BRINP1: variants seen among roughly 807,000 people sequenced by gnomAD.
BRINP1 encodes BMP/retinoic acid-inducible neural-specific protein 1.
A neutral mutation model predicts 72.9 loss-of-function variants in BRINP1; 17 were observed. That is an observed-to-expected ratio of 0.23 (90% confidence interval 0.16 to 0.35). The LOEUF is 0.35. Ranked by LOEUF, BRINP1 falls within the 10% of genes least tolerant of loss-of-function variation. The pLI, the probability that BRINP1 is intolerant of heterozygous loss-of-function variation, is 1.00. For missense variants in BRINP1, 850 were observed against 1,001.6 expected (o/e 0.85, Z 2.04); for synonymous variants, 418 against 378.5 (o/e 1.10, Z -1.21).
At chr9:119,200,853 A>G (rs1829798458) in intron 7 of BRINP1, among the ~76,000 whole-genome samples, 1 of 151,968 alleles carries the variant, frequency 6.6e-6, no homozygotes, top group Non-Finnish European at 1.5e-5. Flanking sequence ...AACAAAAGAA[A>G]AAAAAGGAAG....
chr9:119,228,640 G>A (rs1481664713), intron 5 of BRINP1, among the ~76,000 whole-genome samples: 1 of 152,064 alleles, frequency 6.6e-6, no homozygotes, highest in Non-Finnish European at 1.5e-5. Context: ...ATTGAGTAGA[G>A]ATGGGAATGC....
chr9:119,318,844 G>GGGTGTGTGTGT (rs111313745), intron 1 of BRINP1, among the ~76,000 whole-genome samples: 9 of 142,144 alleles, frequency 6.3e-5, no homozygotes, highest in Non-Finnish European at 1.2e-4. Context: ...AAATGTGTGG[G>GGGTGTGTGTGT]GTGTGTGTGT....
chr9:119,282,981 C>T (rs189388465), intron 2 of BRINP1: 1 of 985,346 alleles, frequency 1.0e-6, no homozygotes, highest in African/African-American at 1.7e-5. Flanking sequence ...AGTTATCGCC[C>T]TCACTGACCA....
chr9:119,294,250 G>C (rs190102274), intron 2 of BRINP1, among the ~76,000 whole-genome samples: 108 of 152,314 alleles, frequency 7.1e-4, no homozygotes, highest in African/African-American at 2.6e-3. Context: ...CGTTGATGAG[G>C]CTGGGCACGG....
chr9:119,271,847 T>C (rs763513547), intron 2 of BRINP1, among the ~76,000 whole-genome samples: 12 of 152,060 alleles, frequency 7.9e-5, no homozygotes, highest in Middle Eastern at 3.4e-3. Flanking sequence ...TTTGAGAGGA[T>C]ACTGAAACTA....
Position 119,240,673 on chromosome 9 carries a change from C to T in BRINP1, c.579+1374G>A, listed in dbSNP as rs191213510. ...TCTCCCAAATACAGGCGATTCTTTT[C>T]GGATAAACTGGCCCTTTGTTTGTTG... On this transcript the variant is annotated intron_variant, in intron 4 of 7. Transcript: ENST00000265922. Among the ~76,000 whole-genome samples the T allele has an allele frequency of 2.0e-4, 31 of 152,244 alleles. No individual in the cohort carries two copies. The East Asian group carries it at 4.8e-3, about 24-fold the overall frequency.
chr9:119,345,994 C>G (rs1174412370), intron 1 of BRINP1, among the ~76,000 whole-genome samples: 1 of 152,066 alleles, frequency 6.6e-6, no homozygotes, highest in African/African-American at 2.4e-5. Context: ...TGAGCTCACA[C>G]CCAGGCAGTC....
intron 2 of BRINP1, among the ~76,000 whole-genome samples, chr9:119,262,731 A>G (rs113101386): frequency 2.6e-5 from 4 of 151,540 alleles, no homozygotes; most frequent in African/African-American, 9.7e-5. Context: ...TCAGCCCTCT[A>G]CTCTAACATA....
At chr9:119,241,785 A>G (rs770471184) in intron 4 of BRINP1, among the ~76,000 whole-genome samples, 1 of 152,214 alleles carries the variant, frequency 6.6e-6, no homozygotes, top group Non-Finnish European at 1.5e-5. Context: ...AGAAGACTGA[A>G]TGAGAGAACT....
chr9:119,204,406 C>G (rs1829831995), intron 7 of BRINP1, among the ~76,000 whole-genome samples: 1 of 152,198 alleles, frequency 6.6e-6, no homozygotes, highest in African/African-American at 2.4e-5. Flanking sequence ...TTTTAATCAG[C>G]TATAATTGAC....
At chr9:119,179,802 C>G (rs1299410174) in intron 7 of BRINP1, among the ~76,000 whole-genome samples, 1 of 152,214 alleles carries the variant, frequency 6.6e-6, no homozygotes, top group Non-Finnish European at 1.5e-5. Flanking sequence ...TCCCTGCCCT[C>G]TAAACCCCCA....
chr9:119,218,463 T>G (rs1024784557), intron 5 of BRINP1, among the ~76,000 whole-genome samples: 1 of 151,952 alleles, frequency 6.6e-6, no homozygotes, highest in Non-Finnish European at 1.5e-5. Flanking sequence ...ACTTTGAACT[T>G]TAAACACTTC....
Position 119,167,346 on chromosome 9 carries a change from T to C in BRINP1, c.2024A>G (p.Gln675Arg). ...GCCCTGTGTGTAGGACTGGTTGACC[T>C]GCTGCACTGCACTGCGCAGGAGGTC... Reference protein sequence around the residue: ...NADLLRSAVQQVNQSYTQGGQ... With the variant: ...NADLLRSAVQRVNQSYTQGGQ... The change falls in exon 8 of 8, where the codon CAG becomes CGG. Residue 675 changes from glutamine to arginine, a missense_variant. Physicochemically the swap from Gln to Arg is conservative, Grantham distance 43. Coordinates refer to ENST00000265922, the MANE Select transcript of BRINP1 (RefSeq NM_014618.3). The surrounding 1 kb of genome is among the most constrained non-coding windows in gnomAD (Gnocchi z 4.3). 6.2e-7 allele frequency: 1 copy of C among 1,614,154 alleles called. No individual in the cohort carries two copies. The highest frequency in any genetic ancestry group is 2.2e-5 in the East Asian group (1 of 44,864).
chr9:119,286,745 C>G (rs1249324799), intron 2 of BRINP1, among the ~76,000 whole-genome samples: 1 of 152,184 alleles, frequency 6.6e-6, no homozygotes, highest in Non-Finnish European at 1.5e-5. Context: ...CAGAGACAGT[C>G]ATGCCTGCTA....
intron 2 of BRINP1, among the ~76,000 whole-genome samples, chr9:119,285,534 G>A (rs1340924956): frequency 3.9e-5 from 6 of 152,114 alleles, no homozygotes. Context: ...TTAGAGGTGT[G>A]GTTTCAGCTT....
intron 2 of BRINP1, among the ~76,000 whole-genome samples, chr9:119,279,747 T>TA (rs961415604): frequency 3.9e-5 from 6 of 152,226 alleles, no homozygotes; most frequent in African/African-American, 1.2e-4. Flanking sequence ...AAAACATGCT[T>TA]AAAATGTTTG....
intron 2 of BRINP1, among the ~76,000 whole-genome samples, chr9:119,309,692 G>A (rs1205927361): frequency 6.6e-6 from 1 of 152,096 alleles, no homozygotes; most frequent in Admixed American, 6.5e-5. Flanking sequence ...TCTACAGAGG[G>A]GGAAATTGAA....
chr9:119,325,126 GAGAGAGAAAGAGAGAA>G (rs760660843), intron 1 of BRINP1, among the ~76,000 whole-genome samples: 1 of 151,690 alleles, frequency 6.6e-6, no homozygotes, highest in Non-Finnish European at 1.5e-5. Flanking sequence ...GAAAGAGAGA[GAGAGAGAAAGAGAGAA>G]AGAGAGAAAG....
At chr9:119,265,812 A>G (rs1588183553) in intron 2 of BRINP1, among the ~76,000 whole-genome samples, 1 of 152,178 alleles carries the variant, frequency 6.6e-6, no homozygotes, top group East Asian at 1.9e-4. Context: ...GTTTTGGTGT[A>G]CAGCTCATTT....
Sources: allele counts gnomAD v4.1 joint callset (sites outside exome capture counted in the v4.1 genomes callset), GRCh38; gene constraint gnomAD v4.1.1; non-coding constraint Gnocchi (gnomAD v3.1); transcripts MANE v1.5; gene names NCBI Gene and HGNC (gene_info 2026-07-23, HGNC 2026-07-21).